The following PDE11A variants were observed in gnomAD, a reference collection of about 807,000 sequenced individuals.
The protein encoded by PDE11A is dual 3',5'-cyclic-AMP and -GMP phosphodiesterase 11A.
PDE11A carries 100 observed loss-of-function variants against 100.5 expected under a neutral mutation model. The observed-to-expected ratio is 1.00, with a 90% CI of 0.85 to 1.18. The LOEUF is 1.18. Among genes scored for constraint, PDE11A ranks in the 50% most tolerant of loss-of-function variants. The pLI is 0.00. For missense variants in PDE11A, 1,141 were observed against 1,152.6 expected, an observed-to-expected ratio of 0.99 and a Z score of 0.15; for synonymous variants, 381 against 420.8, an observed-to-expected ratio of 0.91 and a Z score of 1.16.
chr2:177,665,936 T>G (rs2080571736), intron 18 of PDE11A, among the ~76,000 whole-genome samples: 1 of 152,228 alleles, frequency 6.6e-6, no homozygotes, highest in East Asian at 1.9e-4. Context: ...ATTATTCCAT[T>G]TCTAGTGGAT....
In PDE11A at chr2:177,675,480, G is replaced by A. The variant is rs1245289445; in HGVS notation, c.2462C>T (p.Thr821Ile). 1.2e-6 allele frequency: 2 copies of A among 1,613,482 alleles called. No individual in the cohort carries two copies. Among genetic ancestry groups the A allele is most frequent in the Admixed American group, 1.7e-5 (1 of 59,988 alleles). Residue 821 changes from threonine to isoleucine, a missense_variant, in exon 17 of 20, where the codon ACC (threonine) becomes ATC (isoleucine). Transcript: ENST00000286063. ...LMTACDLGAV[T>I]KPWEISRQVA... Reference sequence around the variant, plus strand: ...CTGTCTGGAGATCTCCCACGGTTTGGTCACGGCTCCAAGGTCACAGGCTGT... The same window carrying A: ...CTGTCTGGAGATCTCCCACGGTTTGATCACGGCTCCAAGGTCACAGGCTGT...
At chr2:177,819,890 C>CTCTCTG (rs1170784738) in intron 7 of PDE11A, among the ~76,000 whole-genome samples, 116 of 138,596 alleles carry the variant, frequency 8.4e-4, no homozygotes, top group African/African-American at 3.1e-3. Flanking sequence ...CTCTCTCTCT[C>CTCTCTG]TCTCTGTCTC....
intron 2 of PDE11A, among the ~76,000 whole-genome samples, chr2:177,956,261 A>C (rs2085561092): frequency 6.6e-6 from 1 of 152,252 alleles, no homozygotes; most frequent in African/African-American, 2.4e-5. Context: ...ATATGAACAG[A>C]CACTTCTCAA....
chr2:178,022,783 C>T (rs748544360), intron 1 of PDE11A, among the ~76,000 whole-genome samples: 58 of 152,154 alleles, frequency 3.8e-4, no homozygotes, highest in Admixed American at 6.5e-4. Context: ...GACAAAAGAA[C>T]AAGAAATGAT....
intron 1 of PDE11A, among the ~76,000 whole-genome samples, chr2:178,043,652 G>A (rs2086710273): frequency 1.3e-5 from 2 of 152,084 alleles, no homozygotes; most frequent in South Asian, 4.1e-4. Flanking sequence ...AGCAATGATG[G>A]CTATCATTTA....
At chr2:178,099,823 A>G (rs111600575) in intron 2 of PDE11A, among the ~76,000 whole-genome samples, 127 of 152,364 alleles carry the variant, frequency 8.3e-4, no homozygotes, top group African/African-American at 2.8e-3. Context: ...TGTGCATAGC[A>G]GCATTAGTCA....
chr2:177,645,871 A>G (rs1396062945), intron 19 of PDE11A, among the ~76,000 whole-genome samples: 1 of 152,172 alleles, frequency 6.6e-6, no homozygotes, highest in African/African-American at 2.4e-5. Flanking sequence ...GGAAGAGACC[A>G]TTTTTTCCCC....
At position 177,730,861 on chromosome 2, in the gene PDE11A, T is replaced by C. The variant is rs114630231; in HGVS notation, c.1789-2689A>G. The stretch of plus-strand genomic sequence containing the variant: ...GTGTACAGTACAGTAGTGTTAACTA[T>C]ATGCACATTGTCATACAACAGATCT... On this transcript the variant is annotated intron_variant, in intron 10 of 19. Coordinates refer to ENST00000286063, the MANE Select transcript of PDE11A (RefSeq NM_016953.4). 2.2e-3 allele frequency among the ~76,000 whole-genome samples: 340 copies of C among 152,284 alleles called. 1 individual carries two copies. The highest frequency in any genetic ancestry group is 7.8e-3 in the African/African-American group (325 of 41,568).
intron 5 of PDE11A, among the ~76,000 whole-genome samples, chr2:177,854,760 A>G (rs1373014766): frequency 6.6e-6 from 1 of 152,172 alleles, no homozygotes; most frequent in Non-Finnish European, 1.5e-5. Context: ...TCAGAATTCA[A>G]CTTCTGGCAC....
chr2:177,766,305 G>A (rs758253636), intron 10 of PDE11A, among the ~76,000 whole-genome samples: 1 of 152,182 alleles, frequency 6.6e-6, no homozygotes, highest in Non-Finnish European at 1.5e-5. Flanking sequence ...CTGCTGATCT[G>A]ACAGGAGGCG....
At chr2:177,693,875 G>A (rs143065111) in intron 15 of PDE11A, among the ~76,000 whole-genome samples, 1 of 152,184 alleles carries the variant, frequency 6.6e-6, no homozygotes, top group Non-Finnish European at 1.5e-5. Flanking sequence ...AGATCCTTCC[G>A]ATTCCACAAT....
chr2:177,760,653 C>G (rs1326378877), intron 10 of PDE11A, among the ~76,000 whole-genome samples: 1 of 152,012 alleles, frequency 6.6e-6, no homozygotes, highest in African/African-American at 2.4e-5. Context: ...AAACCTGGAG[C>G]CTAGAAATTG....
chr2:177,761,733 G>A (rs909566580), intron 10 of PDE11A, among the ~76,000 whole-genome samples: 6 of 152,180 alleles, frequency 3.9e-5, no homozygotes, highest in African/African-American at 1.4e-4. Context: ...AGAAGGATGG[G>A]TGCAAACATA....
At chr2:178,015,501 T>C (rs2086323806) in intron 1 of PDE11A, among the ~76,000 whole-genome samples, 1 of 152,128 alleles carries the variant, frequency 6.6e-6, no homozygotes, top group African/African-American at 2.4e-5. Flanking sequence ...TGAAGAGACC[T>C]GAAATCCAAA....
At chr2:177,793,509 A>G (rs1301266037) in intron 9 of PDE11A, among the ~76,000 whole-genome samples, 3 of 138,100 alleles carry the variant, frequency 2.2e-5, no homozygotes, top group Non-Finnish European at 3.0e-5. Context: ...CGAGACCTCG[A>G]TCTGTGGAGA....
intron 9 of PDE11A, among the ~76,000 whole-genome samples, chr2:177,770,140 C>G (rs1414995117): frequency 6.6e-6 from 1 of 152,132 alleles, no homozygotes; most frequent in Non-Finnish European, 1.5e-5. Context: ...GATTGTGCTT[C>G]CCTGCCCTAT....
chr2:177,936,557 C>T (rs963266889), intron 2 of PDE11A, among the ~76,000 whole-genome samples: 1 of 152,144 alleles, frequency 6.6e-6, no homozygotes, highest in Non-Finnish European at 1.5e-5. Context: ...AGAGGGTCTA[C>T]CACAGATAGG....
Position 177,669,542 on chromosome 2 carries a change from A to G in PDE11A, c.2513T>C (p.Phe838Ser), listed in dbSNP as rs770658136. Residue 838 changes from phenylalanine to serine, a missense_variant, in exon 18 of 20, where the codon TTC becomes TCC. By Grantham distance (155) the Phe-to-Ser change is radical. Coordinates refer to ENST00000286063, the MANE Select transcript of PDE11A (RefSeq NM_016953.4). The part of the protein sequence containing the change: ...RQVAELVTSE[F>S]FEQGDRERLE... ...TCTCTCCCGATCTCCTTGTTCGAAG[A>G]ACTCACTGGTTACAAGTTCTGCCAC... 45 of 1,478,066 alleles carry G rather than the reference A, an allele frequency of 3.0e-5. No homozygotes were observed. The highest frequency in any genetic ancestry group is 1.0e-4 in the Admixed American group (6 of 59,840). 91.6% of individuals were successfully genotyped at this position (1,478,066 alleles called of 1,614,324 possible).
chr2:177,631,283 TAA>T (rs2079914400), intron 19 of PDE11A, among the ~76,000 whole-genome samples: 1 of 75,070 alleles, frequency 1.3e-5, no homozygotes, highest in African/African-American at 1.0e-4. Context: ...TCATCTCTAC[TAA>T]AAATGCAAAA....
Sources: gnomAD v4.1 joint callset for allele counts (sites outside exome capture counted in the v4.1 genomes callset) on GRCh38, gnomAD v4.1.1 for gene constraint, MANE v1.5 for transcripts, NCBI Gene and HGNC (gene_info 2026-07-23, HGNC 2026-07-21) for gene names.